Variants in DGKI observed in about 807,000 individuals in gnomAD.
The protein encoded by DGKI is diacylglycerol kinase iota.
In DGKI, 55 loss-of-function variants were observed where a neutral mutation model predicts 147.5. That is an observed-to-expected ratio of 0.37 (90% CI 0.30 to 0.47). DGKI has a LOEUF of 0.47. Among genes scored for constraint, DGKI ranks in the 20% least tolerant of loss-of-function variants. DGKI has a pLI of 1.00. For missense variants in DGKI, 1,007 were observed against 1,323.8 expected (o/e 0.76, Z 3.71); for synonymous variants, 469 against 477.1 (o/e 0.98, Z 0.22).
chr7:137,846,446 G>A lies in DGKI; in HGVS notation c.401+16C>T, dbSNP rs754971311. The A allele has an allele frequency of 2.5e-6, 4 of 1,570,940 alleles. No homozygotes were observed. Among genetic ancestry groups the A allele is most frequent in the Admixed American group, 1.7e-5 (1 of 58,468 alleles). On this transcript the variant is annotated intron_variant, in intron 1 of 32. Coordinates refer to ENST00000614521, the MANE Select transcript of DGKI (RefSeq NM_001321708.2). This position sits in a 1 kb window ranked among gnomAD's most constrained non-coding sequence, Gnocchi z 4.0. ...CCGCGGCGCACCTGTCTCGGCTGCC[G>A]GCTCCCCGCACCTACCTGTACGAGA...
At chr7:137,391,578 G>T (rs1010338962) in intron 32 of DGKI, among the ~76,000 whole-genome samples, 1 of 152,178 alleles carries the variant, frequency 6.6e-6, no homozygotes, top group Non-Finnish European at 1.5e-5. Flanking sequence ...AAGGGAAAGA[G>T]TTTATCACTT....
chr7:137,812,774 CAAG>C (rs1797628325), intron 1 of DGKI, among the ~76,000 whole-genome samples: 1 of 152,112 alleles, frequency 6.6e-6, no homozygotes, highest in African/African-American at 2.4e-5. Flanking sequence ...TATTTAGTCC[CAAG>C]AAGGTTGACT....
chr7:137,519,289 A>T (rs1208438819), intron 21 of DGKI, among the ~76,000 whole-genome samples: 3 of 152,042 alleles, frequency 2.0e-5, no homozygotes, highest in African/African-American at 4.8e-5. Context: ...TGCATTATGG[A>T]CGGAAGATGG....
chr7:137,447,972 A>G (rs1424647920), intron 27 of DGKI, among the ~76,000 whole-genome samples: 1 of 152,188 alleles, frequency 6.6e-6, no homozygotes, highest in Non-Finnish European at 1.5e-5. Flanking sequence ...TAAAGGAAAT[A>G]CCCTCTTTGA....
intron 6 of DGKI, among the ~76,000 whole-genome samples, chr7:137,629,074 T>C (rs1270277058): frequency 6.6e-6 from 1 of 152,110 alleles, no homozygotes; most frequent in Admixed American, 6.5e-5. Flanking sequence ...AACCTCTCCA[T>C]ATCCACTAGC....
chr7:137,656,401 C>T, intron 4 of DGKI, 65 bp downstream of exon 4: 1 of 1,548,180 alleles, frequency 6.5e-7, no homozygotes, highest in Non-Finnish European at 8.9e-7. Context: ...TGGAAATTTA[C>T]ACCGGGCCTC....
chr7:137,676,125 A>C (rs1823029671), intron 3 of DGKI, among the ~76,000 whole-genome samples: 1 of 152,206 alleles, frequency 6.6e-6, no homozygotes, highest in Non-Finnish European at 1.5e-5. Flanking sequence ...GAGGATTTTC[A>C]GTGCTTTCAG....
intron 1 of DGKI, among the ~76,000 whole-genome samples, chr7:137,781,601 G>T (rs1796520742): frequency 6.6e-6 from 1 of 152,362 alleles, no homozygotes; most frequent in South Asian, 2.1e-4. Flanking sequence ...TTCCATGACT[G>T]CAGGGCTGGG....
At chr7:137,845,431 A>C (rs1311168916) in intron 1 of DGKI, among the ~76,000 whole-genome samples, 1 of 152,224 alleles carries the variant, frequency 6.6e-6, no homozygotes, top group Non-Finnish European at 1.5e-5. Context: ...ACTCAGAAAG[A>C]GTAGGGTTAC....
intron 23 of DGKI, among the ~76,000 whole-genome samples, chr7:137,478,050 C>T (rs931348248): frequency 7.9e-5 from 12 of 152,084 alleles, no homozygotes; most frequent in Non-Finnish European, 1.3e-4. Context: ...AACAAAAATG[C>T]GCACCATAAA....
intron 1 of DGKI, among the ~76,000 whole-genome samples, chr7:137,834,994 C>A (rs896075715): frequency 6.6e-6 from 1 of 152,204 alleles, no homozygotes; most frequent in African/African-American, 2.4e-5. Context: ...ATAAACTGAG[C>A]TCCATGAATT....
At chr7:137,563,057 T>C (rs974355228) in intron 19 of DGKI, among the ~76,000 whole-genome samples, 2 of 151,984 alleles carry the variant, frequency 1.3e-5, no homozygotes, top group Non-Finnish European at 2.9e-5. Flanking sequence ...AAAATGATAA[T>C]AAATCAAGCC....
chr7:137,449,779 AAAGT>A (rs1289773590), intron 27 of DGKI, among the ~76,000 whole-genome samples: 1 of 152,222 alleles, frequency 6.6e-6, no homozygotes, highest in African/African-American at 2.4e-5. Context: ...GTAAATATTA[AAAGT>A]AAGTATTAAA....
At chr7:137,586,105 C>T (rs1819385868) in intron 13 of DGKI, among the ~76,000 whole-genome samples, 3 of 152,096 alleles carry the variant, frequency 2.0e-5, no homozygotes, top group Admixed American at 6.6e-5. Context: ...GAGCCCAGCC[C>T]ATGTAATGCT....
At chr7:137,743,441 A>G (rs1327893880) in intron 1 of DGKI, among the ~76,000 whole-genome samples, 1 of 152,246 alleles carries the variant, frequency 6.6e-6, no homozygotes, top group Non-Finnish European at 1.5e-5. Context: ...TTCTTGGACC[A>G]TAGAGGGATT....
At chr7:137,830,482 C>T (rs1798187133) in intron 1 of DGKI, among the ~76,000 whole-genome samples, 1 of 152,206 alleles carries the variant, frequency 6.6e-6, no homozygotes, top group Non-Finnish European at 1.5e-5. Flanking sequence ...TGAACAAAGG[C>T]ACCATATGTG....
At chr7:137,603,751 G>A (rs916549984) in intron 10 of DGKI, among the ~76,000 whole-genome samples, 2 of 152,092 alleles carry the variant, frequency 1.3e-5, no homozygotes, top group Non-Finnish European at 2.9e-5. Flanking sequence ...TTTCCACCTC[G>A]AATAGATGAA....
At chr7:137,799,467 T>A (rs1585507431) in intron 1 of DGKI, among the ~76,000 whole-genome samples, 2 of 152,252 alleles carry the variant, frequency 1.3e-5, no homozygotes, top group South Asian at 4.1e-4. Flanking sequence ...TATACAAAAG[T>A]GTACACTTTA....
intron 8 of DGKI, among the ~76,000 whole-genome samples, chr7:137,611,209 C>T (rs1820351846): frequency 6.6e-6 from 1 of 152,104 alleles, no homozygotes; most frequent in South Asian, 2.1e-4. Flanking sequence ...ATTTAATCAG[C>T]CAAATGATCT....
Sources: allele counts gnomAD v4.1 joint callset (sites outside exome capture counted in the v4.1 genomes callset), GRCh38; gene constraint gnomAD v4.1.1; non-coding constraint Gnocchi (gnomAD v3.1); transcripts MANE v1.5; gene names NCBI Gene and HGNC (gene_info 2026-07-23, HGNC 2026-07-21).